PTPA: variants seen among roughly 807,000 people sequenced by gnomAD.
PTPA encodes serine/threonine-protein phosphatase 2A activator.
A neutral mutation model predicts 43.6 loss-of-function variants in PTPA; 13 were observed. That is an observed-to-expected ratio of 0.30 (90% CI 0.19 to 0.47). PTPA has a LOEUF of 0.47. PTPA is among the 20% of genes least tolerant of loss of function. The pLI is 0.99. For missense variants in PTPA, 329 were observed against 411.9 expected (o/e 0.80, Z 1.74); for synonymous variants, 172 against 158.2 (o/e 1.09, Z -0.66).
chr9:129,112,778 C>T (rs1021994871), intron 1 of PTPA, among the ~76,000 whole-genome samples: 1 of 152,046 alleles, frequency 6.6e-6, no homozygotes, highest in South Asian at 2.1e-4. Flanking sequence ...TCCGTCTCTT[C>T]TAAAAATACA....
chr9:129,137,853 C>T (rs756702686), intron 8 of PTPA, 161 bp downstream of exon 8: 23 of 695,350 alleles, frequency 3.3e-5, no homozygotes, highest in African/African-American at 8.9e-5. Flanking sequence ...GGGCCTCTTC[C>T]GAAAGAGCCG....
In PTPA at chr9:129,111,646, G is replaced by A; in HGVS notation, c.31+15G>A. 7.8e-7 allele frequency: 1 copy of A among 1,280,366 alleles called. No homozygotes were observed. The highest frequency in any genetic ancestry group is 9.9e-7 in the Non-Finnish European group (1 of 1,005,822). The allele number at this position is 1,280,366 out of a possible 1,614,324, so 79.3% of individuals were successfully genotyped here. Reference sequence around the variant, plus strand: ...GCCGCCGCCAGGTAAGGCCGGCGGGGCCAGGCCGGGCCGGGGTCGGGTAGG... The same window carrying A: ...GCCGCCGCCAGGTAAGGCCGGCGGGACCAGGCCGGGCCGGGGTCGGGTAGG... On this transcript the variant is annotated intron_variant, in intron 1 of 9. Transcript: ENST00000393370.
chr9:129,128,023 T>G (rs1363448584), intron 3 of PTPA: 1 of 1,348,318 alleles, frequency 7.4e-7, no homozygotes, highest in Admixed American at 2.0e-5. Context: ...TGTCCTGCGA[T>G]GAATGCATAC....
chr9:129,121,367 G>A (rs1332901333), intron 2 of PTPA, among the ~76,000 whole-genome samples: 2 of 152,152 alleles, frequency 1.3e-5, no homozygotes, highest in Non-Finnish European at 2.9e-5. Flanking sequence ...TGGGGCTTGG[G>A]GCCATCTAAA....
At chr9:129,136,950 T>C (rs936541267) in intron 7 of PTPA, among the ~76,000 whole-genome samples, 4 of 152,204 alleles carry the variant, frequency 2.6e-5, no homozygotes, top group Non-Finnish European at 5.9e-5. Flanking sequence ...GGGACCCTTT[T>C]GATTTGGTGA....
At position 129,111,505 on chromosome 9, in the gene PTPA, G is replaced by A. The variant is rs1208521521; in HGVS notation, c.-96G>A. 5 of 1,269,294 alleles carry A rather than the reference G, an allele frequency of 3.9e-6. No individual in the cohort carries two copies. The highest frequency in any genetic ancestry group is 4.2e-5 in the Admixed American group (1 of 23,748). The allele number at this position is 1,269,294 out of a possible 1,614,324, so 78.6% of individuals were successfully genotyped here. A position where few individuals can be genotyped will look rare whatever the true frequency, so the allele number is the denominator to read the frequency against. On this transcript the variant is annotated 5_prime_UTR_variant, in exon 1 of 10. Coordinates refer to ENST00000393370, the MANE Select transcript of PTPA (RefSeq NM_178000.3). Reference sequence around the variant, plus strand: ...CGCTCACTTGTCTTCAGGAAGCTCGGAGCCTTTGGTGGAGCCGGGGAGAGG... The same window carrying A: ...CGCTCACTTGTCTTCAGGAAGCTCGAAGCCTTTGGTGGAGCCGGGGAGAGG...
At chr9:129,126,915 TCCC>T (rs1450690887) in intron 3 of PTPA, among the ~76,000 whole-genome samples, 1 of 152,134 alleles carries the variant, frequency 6.6e-6, no homozygotes, top group Non-Finnish European at 1.5e-5. Context: ...GTCTTCTCTG[TCCC>T]CTTCAGTGCC....
intron 3 of PTPA, among the ~76,000 whole-genome samples, chr9:129,124,210 AT>A (rs199617349): frequency 4.0e-5 from 6 of 149,288 alleles, no homozygotes; most frequent in Admixed American, 6.7e-5. Flanking sequence ...ATCTTATTTT[AT>A]TTTTTTTTTA....
At chr9:129,146,917 G>T (rs774621091) in intron 9 of PTPA, among the ~76,000 whole-genome samples, 50 of 152,228 alleles carry the variant, frequency 3.3e-4, no homozygotes, top group Non-Finnish European at 5.7e-4. Context: ...TTATTGTCTC[G>T]CTCTGAAGTG....
intron 1 of PTPA, among the ~76,000 whole-genome samples, chr9:129,117,785 C>T (rs1848977628): frequency 6.6e-6 from 1 of 151,718 alleles, no homozygotes; most frequent in Non-Finnish European, 1.5e-5. Flanking sequence ...CAAGCTCTGC[C>T]TCCCCAGTTC....
At chr9:129,118,200 T>A (rs1264704104) in intron 1 of PTPA, among the ~76,000 whole-genome samples, 2 of 151,640 alleles carry the variant, frequency 1.3e-5, no homozygotes, top group African/African-American at 4.8e-5. Context: ...ATTACAGGTG[T>A]GCGCCACCAC....
rs34541460 is a variant in PTPA, at chr9:129,117,706, C to CTT, written c.32-2797_32-2796dup. The stretch of plus-strand genomic sequence containing the variant: ...AGGTGTGAGCCACCACACCCAGCCT[C>CTT]TTTTTTTTTTTAAGACAGTCTCACT... On this transcript the variant is annotated intron_variant, in intron 1 of 9. Coordinates refer to ENST00000393370, the MANE Select transcript of PTPA (RefSeq NM_178000.3). 1.0e-3 allele frequency among the ~76,000 whole-genome samples: 145 copies of CTT among 141,304 alleles called. 1 individual carries two copies. The highest frequency in any genetic ancestry group is 7.4e-3 in the Middle Eastern group (2 of 270). The allele number at this position is 141,304 out of a possible 152,430, so 92.7% of individuals were successfully genotyped here.
At chr9:129,118,723 C>T (rs2131548802) in intron 1 of PTPA, among the ~76,000 whole-genome samples, 1 of 151,012 alleles carries the variant, frequency 6.6e-6, no homozygotes, top group East Asian at 2.0e-4. Flanking sequence ...CTGTGTTGCC[C>T]AGGTTGGTGT....
chr9:129,139,988 G>A (rs2131612114), intron 8 of PTPA: 1 of 152,632 alleles, frequency 6.6e-6, no homozygotes, highest in African/African-American at 2.4e-5. Flanking sequence ...TAAATTTGGA[G>A]TTTTGGGAAG....
rs765085177 is a variant in PTPA at position 129,128,133 on chromosome 9, C to G, written c.217-852C>G. 313 of 1,076,042 alleles carry G rather than the reference C, an allele frequency of 2.9e-4. 2 individuals are homozygous for G. Among genetic ancestry groups the G allele is most frequent in the South Asian group, 5.0e-4 (38 of 76,222 alleles). The allele number at this position is 1,076,042 out of a possible 1,614,324, so 66.7% of individuals were successfully genotyped here. ...AGAGGCTCAGAGTTAGTCACTTGCT[C>G]AAGGTCTCACAGCAGCTAAATGGTG... On this transcript the variant is annotated intron_variant, in intron 3 of 9. Transcript: ENST00000393370.
chr9:129,119,332 G>T, intron 1 of PTPA, among the ~76,000 whole-genome samples: 1 of 141,768 alleles, frequency 7.1e-6, no homozygotes, highest in East Asian at 2.1e-4. Context: ...TCCAGAAAGA[G>T]AAATCACATA....
intron 1 of PTPA, among the ~76,000 whole-genome samples, chr9:129,116,208 G>A (rs1214908206): frequency 1.3e-5 from 2 of 149,298 alleles, no homozygotes; most frequent in Non-Finnish European, 3.0e-5. Context: ...TATTTGAGGC[G>A]GAGTCTCGCT....
At chr9:129,137,853 C>A in intron 8 of PTPA, 161 bp downstream of exon 8, 1 of 695,468 alleles carries the variant, frequency 1.4e-6, no homozygotes, top group Non-Finnish European at 2.6e-6. Context: ...GGGCCTCTTC[C>A]GAAAGAGCCG....
At chr9:129,116,394 T>C (rs1848873739) in intron 1 of PTPA, among the ~76,000 whole-genome samples, 1 of 140,212 alleles carries the variant, frequency 7.1e-6, no homozygotes, top group Non-Finnish European at 1.5e-5. Context: ...CTTTTTTTTT[T>C]TTTTTTTTTT....
Sources: allele counts gnomAD v4.1 joint callset (sites outside exome capture counted in the v4.1 genomes callset), GRCh38; gene constraint gnomAD v4.1.1; transcripts MANE v1.5; gene names NCBI Gene and HGNC (gene_info 2026-07-23, HGNC 2026-07-21).